The following CLNK variants were observed in gnomAD, a reference collection of about 807,000 sequenced individuals.
The protein encoded by CLNK is cytokine dependent hematopoietic cell linker, also known as cytokine-dependent hematopoietic cell linker.
A neutral mutation model predicts 68.6 loss-of-function variants in CLNK; 74 were observed. The ratio of observed to expected loss-of-function variants is 1.08; its 90% confidence interval spans 0.89 to 1.31. The LOEUF is 1.31. Ranked by LOEUF, CLNK falls within the 50% of genes most tolerant of loss-of-function variation. The pLI is 0.00. For synonymous variants in CLNK, 198 were observed against 172.2 expected (o/e 1.15, Z -1.17); for missense variants, 553 against 515.3 (o/e 1.07, Z -0.71).
chr4:10,651,327 A>G (rs960211841), intron 2 of CLNK, among the ~76,000 whole-genome samples: 1 of 152,264 alleles, frequency 6.6e-6, no homozygotes, highest in Non-Finnish European at 1.5e-5. Flanking sequence ...GACTGGATAA[A>G]GAAAATGTGG....
At chr4:10,655,751 G>A (rs1173766007) in intron 2 of CLNK, among the ~76,000 whole-genome samples, 1 of 142,740 alleles carries the variant, frequency 7.0e-6, no homozygotes, top group Non-Finnish European at 1.5e-5. Context: ...CCGGGTTCAC[G>A]CCATTCTCCT....
At chr4:10,716,055 T>C in the CLNK span, among the ~76,000 whole-genome samples, 24 of 152,206 alleles carry the variant, frequency 1.6e-4, no homozygotes, top group African/African-American at 5.8e-4. Flanking sequence ...ACATGCAAGA[T>C]TATTTTTAAA....
At chr4:10,637,564 G>C (rs954732015) in intron 2 of CLNK, among the ~76,000 whole-genome samples, 20 of 141,358 alleles carry the variant, frequency 1.4e-4, no homozygotes, top group Non-Finnish European at 2.4e-4. Context: ...CCAGCTCCTG[G>C]AACATGCCCA....
chr4:10,554,593 A>G (rs1719588435), intron 8 of CLNK, among the ~76,000 whole-genome samples: 1 of 152,212 alleles, frequency 6.6e-6, no homozygotes, highest in Admixed American at 6.5e-5. Flanking sequence ...GATTTCATGA[A>G]GTTAATAACG....
rs202116815 is a variant in CLNK, at chr4:10,680,524, T to C, written c.-43+4144A>G. Among the ~76,000 whole-genome samples, 33 of 151,726 alleles carry C rather than the reference T, an allele frequency of 2.2e-4. 1 individual carries two copies. In the East Asian group the frequency reaches 3.9e-3, roughly 18 times the overall value. On this transcript the variant is annotated intron_variant, in intron 1 of 18. Transcript: ENST00000226951. The stretch of plus-strand genomic sequence containing the variant: ...CTAAAACTTAAAGTATAATAATAAT[T>C]AAAAAAGAAGACAAAAAAGGGACAA...
intron 1 of CLNK, among the ~76,000 whole-genome samples, chr4:10,678,425 G>T (rs890502224): frequency 2.6e-5 from 4 of 152,040 alleles, no homozygotes; most frequent in Non-Finnish European, 5.9e-5. Flanking sequence ...TTTGAAATTT[G>T]GCTAGGAAGG....
chr4:10,670,511 T>C (rs978236702), intron 1 of CLNK, among the ~76,000 whole-genome samples: 2 of 152,246 alleles, frequency 1.3e-5, no homozygotes, highest in African/African-American at 4.8e-5. Flanking sequence ...TGCAGAACAG[T>C]TCCCTGCAAG....
intron 2 of CLNK, among the ~76,000 whole-genome samples, chr4:10,598,476 C>A (rs1193966366): frequency 6.6e-6 from 1 of 152,192 alleles, no homozygotes; most frequent in African/African-American, 2.4e-5. Context: ...GTGAGCCAGG[C>A]AATGTCTCAG....
chr4:10,573,820 C>A (rs1720445021), intron 4 of CLNK, among the ~76,000 whole-genome samples: 1 of 152,086 alleles, frequency 6.6e-6, no homozygotes, highest in African/African-American at 2.4e-5. Context: ...CGCTTCATGC[C>A]CCTTCTGTGT....
At chr4:10,528,532 C>T (rs2109056240) in intron 12 of CLNK, among the ~76,000 whole-genome samples, 1 of 152,020 alleles carries the variant, frequency 6.6e-6, no homozygotes, top group East Asian at 1.9e-4. Context: ...ATCTATGTGC[C>T]CAGATAACTG....
At chr4:10,693,562 C>A in the CLNK span, among the ~76,000 whole-genome samples, 9 of 152,192 alleles carry the variant, frequency 5.9e-5, 1 homozygote, top group African/African-American at 2.2e-4. Flanking sequence ...TGGGAGGGAG[C>A]ACAGCCCTGC....
intron 2 of CLNK, among the ~76,000 whole-genome samples, chr4:10,666,857 G>A (rs1577207521): frequency 6.6e-6 from 1 of 152,178 alleles, no homozygotes; most frequent in African/African-American, 2.4e-5. Flanking sequence ...GGCTCCACCT[G>A]GACACCTGTG....
chr4:10,652,193 C>T (rs1178474776), intron 2 of CLNK, among the ~76,000 whole-genome samples: 3 of 151,372 alleles, frequency 2.0e-5, no homozygotes, highest in Non-Finnish European at 4.4e-5. Context: ...CCAGCCTGGC[C>T]AACATGATGA....
At chr4:10,674,122 C>G (rs1432369754) in intron 1 of CLNK, among the ~76,000 whole-genome samples, 1 of 152,120 alleles carries the variant, frequency 6.6e-6, no homozygotes. Flanking sequence ...CCAGAGTCGA[C>G]TCTGCTGTGG....
the CLNK span, among the ~76,000 whole-genome samples, chr4:10,729,264 A>G: frequency 1.3e-5 from 2 of 152,212 alleles, no homozygotes; most frequent in African/African-American, 4.8e-5. Context: ...TCAAAAAATA[A>G]CAGATGTTGG....
At chr4:10,698,059 T>C in the CLNK span, among the ~76,000 whole-genome samples, 4 of 152,156 alleles carry the variant, frequency 2.6e-5, no homozygotes, top group South Asian at 2.1e-4. Context: ...AAAGCTGCAA[T>C]AAGCAGATTG....
At position 10,486,976 on chromosome 4, in the gene CLNK, C is replaced by T. The variant is rs1716376119; in HGVS notation, c.*3491G>A. ...CTTAGTAATGAATACACATGCAGTA[C>T]ACAAAGGTGCTAACACAATATATGA... On this transcript the variant is annotated 3_prime_UTR_variant, in exon 19 of 19. Coordinates refer to ENST00000226951, the MANE Select transcript of CLNK (RefSeq NM_052964.4). The T allele has an allele frequency of 2.6e-5, 4 of 152,156 alleles. No homozygotes were observed. The South Asian group carries it at 8.3e-4, about 31-fold the overall frequency. The allele number at this position is 152,156 out of a possible 1,614,324, so 9.4% of individuals were successfully genotyped here. A position where few individuals can be genotyped will look rare whatever the true frequency, so the allele number is the denominator to read the frequency against.
At chr4:10,597,443 C>G (rs1374990607) in intron 3 of CLNK, among the ~76,000 whole-genome samples, 1 of 152,188 alleles carries the variant, frequency 6.6e-6, no homozygotes, top group Admixed American at 6.5e-5. Context: ...AGCTTTTTGA[C>G]TAGTCTGCGA....
At chr4:10,516,766 G>A (rs543562584) in intron 15 of CLNK, among the ~76,000 whole-genome samples, 4 of 152,124 alleles carry the variant, frequency 2.6e-5, no homozygotes, top group Non-Finnish European at 5.9e-5. Flanking sequence ...AGCCAGTCTG[G>A]TCTTGAACTT....
Sources: gnomAD v4.1 joint callset for allele counts (sites outside exome capture counted in the v4.1 genomes callset) on GRCh38, gnomAD v4.1.1 for gene constraint, MANE v1.5 for transcripts, NCBI Gene and HGNC (gene_info 2026-07-23, HGNC 2026-07-21) for gene names.